The following CEP250 variants were observed in gnomAD, a reference collection of about 807,000 sequenced individuals.
The protein encoded by CEP250 is centrosome-associated protein CEP250.
A neutral mutation model predicts 315.7 loss-of-function variants in CEP250; 242 were observed. The ratio of observed to expected loss-of-function variants is 0.77; its 90% CI spans 0.69 to 0.85. The LOEUF (loss-of-function observed/expected upper bound fraction) is 0.85, where lower values mean the gene tolerates loss of function less well. Ranked by LOEUF, CEP250 falls within the 40% of genes least tolerant of loss-of-function variation. The pLI is 0.00. For missense variants in CEP250, 2,515 were observed against 2,886.4 expected (o/e 0.87, Z 2.95); for synonymous variants, 1,088 against 1,175.0 (o/e 0.93, Z 1.51).
rs7268626 is a variant in CEP250 at position 35,511,273 on chromosome 20, C to T, written c.7066-90C>T. 2,307 of 1,146,790 alleles carry T rather than the reference C, an allele frequency of 2.0e-3. 41 individuals carry two copies. The African/African-American group carries it at 0.031, about 15-fold the overall frequency. The allele number at this position is 1,146,790 out of a possible 1,614,324, so 71.0% of individuals were successfully genotyped here. A position where few individuals can be genotyped will look rare whatever the true frequency, so the allele number is the denominator to read the frequency against. The stretch of plus-strand genomic sequence containing the variant: ...AGAGTTGATTCAGATGATCAGCCAA[C>T]GAGCTTCAGAGAACACAGAGCAGGA... On this transcript the variant is annotated intron_variant, in intron 34 of 34. Coordinates refer to ENST00000397527, the MANE Select transcript of CEP250 (RefSeq NM_007186.6).
At chr20:35,507,219 G>A (rs2064211676) in intron 30 of CEP250, among the ~76,000 whole-genome samples, 1 of 152,216 alleles carries the variant, frequency 6.6e-6, no homozygotes, top group African/African-American at 2.4e-5. Flanking sequence ...AGGGCACCTA[G>A]AAAGTATCTA....
At chr20:35,470,182 C>G in intron 10 of CEP250, 196 bp downstream of exon 10, 1 of 605,250 alleles carries the variant, frequency 1.7e-6, no homozygotes, top group Non-Finnish European at 3.0e-6. Flanking sequence ...TGACTGTCTA[C>G]TATCCCTACT....
intron 20 of CEP250, among the ~76,000 whole-genome samples, chr20:35,488,801 C>T (rs953581432): frequency 6.6e-6 from 1 of 152,060 alleles, no homozygotes; most frequent in African/African-American, 2.4e-5. Flanking sequence ...AAGGCTTCAC[C>T]AAGGAAGTGT....
At chr20:35,494,379 T>C (rs2063778992) in intron 23 of CEP250, 145 bp from the exon 24 acceptor site, 1 of 1,037,450 alleles carries the variant, frequency 9.6e-7, no homozygotes, top group Admixed American at 2.2e-5. Context: ...AAGAACAGTG[T>C]GTAGGAATTG....
Position 35,476,474 on chromosome 20 carries a change from C to A in CEP250, c.1742C>A (p.Ser581Ter). 6.2e-7 allele frequency: 1 copy of A among 1,613,812 alleles called. No homozygotes were observed. The highest frequency in any genetic ancestry group is 1.1e-5 in the South Asian group (1 of 91,068). Residue 581 changes from serine (S) to a stop codon, truncating the protein, a stop_gained, in exon 16 of 35, where the codon TCG becomes TAG. Coordinates refer to ENST00000397527, the MANE Select transcript of CEP250 (RefSeq NM_007186.6). LOFTEE classifies it high-confidence loss of function. ...ARAEQSIAEL[S>*]SSENTLKTEV... ...GCAGAGCAGTCAATTGCAGAGCTGTCGAGTTCTGAAAACACCCTGAAGACA... is the reference window on the plus strand; with the variant it reads ...GCAGAGCAGTCAATTGCAGAGCTGTAGAGTTCTGAAAACACCCTGAAGACA...
intron 22 of CEP250, among the ~76,000 whole-genome samples, chr20:35,492,014 A>G (rs1301304650): frequency 2.0e-5 from 3 of 152,160 alleles, no homozygotes; most frequent in African/African-American, 7.2e-5. Flanking sequence ...GCAGACACAA[A>G]GTAAATGAGA....
chr20:35,489,315 G>A (rs183987241), intron 20 of CEP250, among the ~76,000 whole-genome samples: 13 of 152,322 alleles, frequency 8.5e-5, no homozygotes, highest in Admixed American at 7.8e-4. Flanking sequence ...CACTAGAGGC[G>A]TTCCCATTAC....
chr20:35,478,092 A>G lies in CEP250; in HGVS notation c.2085A>G (p.Lys695=), dbSNP rs768757572. The change falls in exon 17 of 35, where the codon AAA becomes AAG. Residue 695 remains lysine, a synonymous_variant. Transcript: ENST00000397527. ...IQEEKEEIQK[K]LSESRHQQEA... ...AAGAGAAGGAAGAAATTCAAAAGAA[A>G]CTAAGTGAGGTGAGAAGCCAAAATG... 3.1e-6 allele frequency: 5 copies of G among 1,613,128 alleles called. No homozygotes were observed. The highest frequency in any genetic ancestry group is 2.7e-5 in the African/African-American group (2 of 75,024).
rs532092405 is a variant in CEP250 at position 35,491,500 on chromosome 20, A to G, written c.2889+154A>G. Among the ~76,000 whole-genome samples, 8 of 152,296 alleles carry G rather than the reference A, an allele frequency of 5.3e-5. No individual in the cohort carries two copies. In the East Asian group the frequency reaches 1.5e-3, roughly 29 times the overall value. On this transcript the variant is annotated intron_variant, in intron 22 of 34. Transcript: ENST00000397527. The stretch of plus-strand genomic sequence containing the variant: ...AGGTATGGCACAGGCTGGGCAGGGT[A>G]GATCACGCCTGTAATCCCAGCACTT...
rs1441903795 is a variant in CEP250 at position 35,458,340 on chromosome 20, G to A, written c.-261G>A. 6.6e-6 allele frequency: 1 copy of A among 152,180 alleles called. No homozygotes were observed. Among genetic ancestry groups the A allele is most frequent in the Non-Finnish European group, 1.5e-5 (1 of 68,026 alleles). The allele number at this position is 152,180 out of a possible 1,614,324, so 9.4% of individuals were successfully genotyped here. A position where few individuals can be genotyped will look rare whatever the true frequency, so the allele number is the denominator to read the frequency against. ...GCTGTTGGTCTTTAGTAAGGGTGCT[G>A]TCTTCCCTGTCTGATCCTTAGCAAA... On this transcript the variant is annotated 5_prime_UTR_variant, in exon 2 of 35. Coordinates refer to ENST00000397527, the MANE Select transcript of CEP250 (RefSeq NM_007186.6).
rs1014690054 is a variant in CEP250, at chr20:35,506,517, A to C, written c.6637-1221A>C. ...AGAGAGAGGCATCATCTCTTTTTCCAAAAGACGCCCAGTCCAATTTTCCAG... is the reference window on the plus strand; with the variant it reads ...AGAGAGAGGCATCATCTCTTTTTCCCAAAGACGCCCAGTCCAATTTTCCAG... On this transcript the variant is annotated intron_variant, in intron 30 of 34. Coordinates refer to ENST00000397527, the MANE Select transcript of CEP250 (RefSeq NM_007186.6). 3.3e-5 allele frequency among the ~76,000 whole-genome samples: 5 copies of C among 152,176 alleles called. No individual in the cohort carries two copies. The East Asian group carries it at 9.6e-4, about 29-fold the overall frequency.
At position 35,518,132 on chromosome 20, in the gene CEP250, T is replaced by C. The variant is rs972286017; in HGVS notation, c.*6506T>C. 1.4e-5 allele frequency: 1 copy of C among 73,382 alleles called. No individual in the cohort carries two copies. Among genetic ancestry groups the C allele is most frequent in the African/African-American group, 4.3e-5 (1 of 23,102 alleles). 4.5% of individuals were successfully genotyped at this position (73,382 alleles called of 1,614,324 possible). ...CAAACTCCTCTTCAGAGGCAGCGGG[T>C]TTTGTTTTTTTTTTAACTATGTTTT... On this transcript the variant is annotated 3_prime_UTR_variant, in exon 35 of 35. Coordinates refer to ENST00000397527, the MANE Select transcript of CEP250 (RefSeq NM_007186.6).
In CEP250 at chr20:35,460,069, A is replaced by G. The variant is rs192557015; in HGVS notation, c.-140A>G. ...AACCAGCAGAGAGGGATTGAGCTTC[A>G]TTGAACTCAACAGAGCCAACATTTC... On this transcript the variant is annotated 5_prime_UTR_variant, in exon 3 of 35. Transcript: ENST00000397527. 229 of 152,310 alleles carry G rather than the reference A, an allele frequency of 1.5e-3. 1 individual carries two copies. Among genetic ancestry groups the G allele is most frequent in the African/African-American group, 5.1e-3 (214 of 41,558 alleles). The allele number at this position is 152,310 out of a possible 1,614,324, so 9.4% of individuals were successfully genotyped here.
chr20:35,490,673 A>C lies in CEP250; in HGVS notation c.2623A>C (p.Lys875Gln). ...CTCCTGGCACCAGCAGGAGCTGGCA[A>C]AGGCTCTGGAGAGCTTAGAAAGGGA... ...ERSWHQQELA[K>Q]ALESLEREKM... The change falls in exon 21 of 35, where the codon AAG becomes CAG. Residue 875 changes from lysine (K) to glutamine (Q), a missense_variant. Physicochemically the swap from Lys to Gln is moderately conservative, Grantham distance 53 (BLOSUM62 1). Transcript: ENST00000397527. 1 of 1,613,746 alleles carries C rather than the reference A, an allele frequency of 6.2e-7. No homozygotes were observed. Among genetic ancestry groups the C allele is most frequent in the South Asian group, 1.1e-5 (1 of 91,060 alleles).
At position 35,498,065 on chromosome 20, in the gene CEP250, C is replaced by T. The variant is rs959592326; in HGVS notation, c.3653C>T (p.Pro1218Leu). 6.4e-7 allele frequency: 1 copy of T among 1,557,450 alleles called. No homozygotes were observed. The highest frequency in any genetic ancestry group is 1.4e-5 in the African/African-American group (1 of 73,626). ...GCTCCTTCCGTCTGGGGCCTTGAGC[C>T]AGGTGAGACAGCCTCCCCAGAACTA... is the stretch of plus-strand genomic sequence containing the variant. Reference protein sequence around the residue: ...DSAPSVWGLEPDQNGARSLFK... With the variant: ...DSAPSVWGLELDQNGARSLFK... The change falls in exon 26 of 35, where the codon CCA (proline) becomes CTA (leucine). Residue 1218 changes from proline to leucine, a missense_variant and splice_region_variant. Transcript: ENST00000397527.
chr20:35,474,657 C>T (rs144076273), intron 14 of CEP250: 1 of 393,736 alleles, frequency 2.5e-6, no homozygotes, highest in African/African-American at 2.1e-5. Context: ...ATCAATGGCC[C>T]CAGCTAATCT....
chr20:35,465,135 A>C (rs1394974682), intron 5 of CEP250, among the ~76,000 whole-genome samples: 2 of 151,530 alleles, frequency 1.3e-5, no homozygotes, highest in African/African-American at 2.4e-5. Flanking sequence ...AAGTGACTTC[A>C]CAGGCTGGGT....
At chr20:35,481,776 T>A (rs2063350797) in intron 20 of CEP250, among the ~76,000 whole-genome samples, 1 of 152,132 alleles carries the variant, frequency 6.6e-6, no homozygotes. Flanking sequence ...GATCATGGCC[T>A]ACTGCAGCCT....
intron 4 of CEP250, 83 bp downstream of exon 4, chr20:35,462,636 C>G (rs2062781644): frequency 1.6e-6 from 2 of 1,263,626 alleles, no homozygotes; most frequent in Non-Finnish European, 2.2e-6. Context: ...TTGCAGGAGG[C>G]AGAGTCTTGT....
Sources: gnomAD v4.1 joint callset for allele counts (sites outside exome capture counted in the v4.1 genomes callset) on GRCh38, gnomAD v4.1.1 for gene constraint, MANE v1.5 for transcripts, NCBI Gene and HGNC (gene_info 2026-07-23, HGNC 2026-07-21) for gene names.